Variants in KIF26B observed in about 807,000 individuals in gnomAD.
The protein encoded by KIF26B is kinesin family member 26B.
KIF26B carries 63 observed loss-of-function variants against 151.2 expected under a neutral mutation model. That is an observed-to-expected ratio of 0.42 (90% CI 0.34 to 0.51). KIF26B has a LOEUF of 0.51. Ranked by LOEUF, KIF26B falls within the 20% of genes least tolerant of loss-of-function variation. The probability of loss-of-function intolerance (pLI) is 0.07; values close to 1 mark genes in which losing one functional copy is unlikely to be tolerated. For missense variants in KIF26B, 2,813 were observed against 2,913.6 expected (o/e 0.97, Z 0.79); for synonymous variants, 1,357 against 1,262.1 (o/e 1.08, Z -1.59).
chr1:245,698,045 A>G lies in KIF26B; in HGVS notation c.5825-61A>G. The G allele has an allele frequency of 1.3e-6, 2 of 1,507,054 alleles. No individual in the cohort carries two copies. Among genetic ancestry groups the G allele is most frequent in the Non-Finnish European group, 1.8e-6 (2 of 1,113,364 alleles). The allele number at this position is 1,507,054 out of a possible 1,614,324, so 93.4% of individuals were successfully genotyped here. A position where few individuals can be genotyped will look rare whatever the true frequency, so the allele number is the denominator to read the frequency against. On this transcript the variant is annotated intron_variant, in intron 12 of 14. Transcript: ENST00000407071. This position sits in a 1 kb window ranked among gnomAD's most constrained non-coding sequence, Gnocchi z 4.0. ...CAACAGAGCAAGACCCTGTCTCAAA[A>G]AAACAACAAAAAAATTGAAATTCAG...
intron 10 of KIF26B, among the ~76,000 whole-genome samples, chr1:245,651,774 G>A (rs776073832): frequency 2.6e-5 from 4 of 152,178 alleles, no homozygotes; most frequent in African/African-American, 7.2e-5. Context: ...TAGCCTGTGC[G>A]CTCCTTATGA....
chr1:245,598,299 C>T lies in KIF26B; in HGVS notation c.1351-4278C>T, dbSNP rs895882317. Reference sequence around the variant, plus strand: ...TGAAACAAAGCTCATGCATGAGAAGCGCTGATGGAGTTCTCCCTTGCTCCT... The same window carrying T: ...TGAAACAAAGCTCATGCATGAGAAGTGCTGATGGAGTTCTCCCTTGCTCCT... On this transcript the variant is annotated intron_variant, in intron 5 of 14. Transcript: ENST00000407071. 4.6e-5 allele frequency among the ~76,000 whole-genome samples: 7 copies of T among 152,122 alleles called. No homozygotes were observed. In the East Asian group the frequency reaches 5.8e-4, roughly 13 times the overall value.
At position 245,549,696 on chromosome 1, in the gene KIF26B, C is replaced by T. The variant is rs541887157; in HGVS notation, c.1350+8746C>T. On this transcript the variant is annotated intron_variant, in intron 5 of 14. Transcript: ENST00000407071. Reference sequence around the variant, plus strand: ...TGCTGTTCTTGCCTACTGAATTGTTCGTATCAAATAGAAAATATTTGAATC... The same window carrying T: ...TGCTGTTCTTGCCTACTGAATTGTTTGTATCAAATAGAAAATATTTGAATC... Among the ~76,000 whole-genome samples, 65 of 152,190 alleles carry T rather than the reference C, an allele frequency of 4.3e-4. 1 individual carries two copies. The highest frequency in any genetic ancestry group is 1.5e-3 in the South Asian group (7 of 4,816).
chr1:245,479,840 G>A (rs1423737773), intron 4 of KIF26B, among the ~76,000 whole-genome samples: 1 of 151,848 alleles, frequency 6.6e-6, no homozygotes, highest in Non-Finnish European at 1.5e-5. Context: ...AGGGGAGAGA[G>A]TAGAAAGGAT....
rs1344907730 is a variant in KIF26B at position 245,572,421 on chromosome 1, G to C, written c.1351-30156G>C. 6.6e-6 allele frequency among the ~76,000 whole-genome samples: 1 copy of C among 152,064 alleles called. No homozygotes were observed. Among genetic ancestry groups the C allele is most frequent in the Non-Finnish European group, 1.5e-5 (1 of 68,020 alleles). On this transcript the variant is annotated intron_variant, in intron 5 of 14. Transcript: ENST00000407071. The surrounding 1 kb of genome is among the most constrained non-coding windows in gnomAD (Gnocchi z 4.2). The stretch of plus-strand genomic sequence containing the variant: ...AGTAGGGTGGCTGGTTTGAGGGTGT[G>C]GCCCCGGGAAAGGTGGCAGGACACA...
intron 5 of KIF26B, among the ~76,000 whole-genome samples, chr1:245,598,071 G>C (rs1490436788): frequency 6.6e-6 from 1 of 152,020 alleles, no homozygotes; most frequent in Non-Finnish European, 1.5e-5. Context: ...TATTGGGTTA[G>C]AGCATGCTCC....
chr1:245,547,161 C>T (rs2103106623), intron 5 of KIF26B, among the ~76,000 whole-genome samples: 1 of 152,370 alleles, frequency 6.6e-6, no homozygotes, highest in East Asian at 1.9e-4. Flanking sequence ...ACCTCAGACA[C>T]AGGGGCTTTC....
intron 2 of KIF26B, among the ~76,000 whole-genome samples, chr1:245,179,516 C>T (rs536301463): frequency 2.6e-5 from 4 of 151,892 alleles, no homozygotes; most frequent in South Asian, 2.1e-4. Context: ...CCCAGCTACT[C>T]GGGAGGCTGA....
chr1:245,590,184 C>T (rs1225632404), intron 5 of KIF26B, among the ~76,000 whole-genome samples: 1 of 151,016 alleles, frequency 6.6e-6, no homozygotes. Flanking sequence ...GCCGAGGCGC[C>T]GGTGGAAGCA....
rs140757408 is a variant in KIF26B at position 245,338,274 on chromosome 1, G to T, written c.466-28560G>T. ...TGTACACCAGGAGGCAGAAAACTGT[G>T]GTCAGCAGACCAAAGCCAGCCTGCT... On this transcript the variant is annotated intron_variant, in intron 2 of 14. Coordinates refer to ENST00000407071, the MANE Select transcript of KIF26B (RefSeq NM_018012.4). 4.6e-4 allele frequency among the ~76,000 whole-genome samples: 70 copies of T among 152,256 alleles called. 1 individual carries two copies. The Middle Eastern group carries it at 0.017, about 37-fold the overall frequency.
intron 2 of KIF26B, among the ~76,000 whole-genome samples, chr1:245,253,800 C>CTTTTTTTTTTTTTTTTT (rs5782330): frequency 1.4e-5 from 1 of 72,148 alleles, no homozygotes; most frequent in African/African-American, 6.1e-5. Context: ...TGAAGTCCTG[C>CTTTTTTTTTTTTTTTTT]TTTTTTTTTT....
At chr1:245,190,089 T>C (rs536478286) in intron 2 of KIF26B, among the ~76,000 whole-genome samples, 341 of 121,476 alleles carry the variant, frequency 2.8e-3, no homozygotes, top group African/African-American at 9.8e-3. Flanking sequence ...AATTAACCTA[T>C]GAAACCATCA....
At chr1:245,351,679 A>G (rs1399347619) in intron 2 of KIF26B, among the ~76,000 whole-genome samples, 1 of 152,214 alleles carries the variant, frequency 6.6e-6, no homozygotes, top group East Asian at 1.9e-4. Flanking sequence ...CAAGGCTGTG[A>G]CACTAGAAAA....
intron 4 of KIF26B, among the ~76,000 whole-genome samples, chr1:245,503,016 C>T (rs1402440579): frequency 6.6e-6 from 1 of 152,008 alleles, no homozygotes; most frequent in African/African-American, 2.4e-5. Context: ...CATGCGCCAC[C>T]ACCCCGGCTA....
At chr1:245,618,166 G>C (rs1049842136) in intron 9 of KIF26B, among the ~76,000 whole-genome samples, 3 of 152,242 alleles carry the variant, frequency 2.0e-5, no homozygotes, top group African/African-American at 7.2e-5. Flanking sequence ...AAAGACGTCA[G>C]ATTCCCCTCT....
At chr1:245,252,373 G>A (rs1037642912) in intron 2 of KIF26B, among the ~76,000 whole-genome samples, 11 of 151,308 alleles carry the variant, frequency 7.3e-5, no homozygotes, top group East Asian at 1.9e-4. Context: ...ATTACCTTTC[G>A]GTAAATGTTT....
At chr1:245,613,670 C>T (rs903727987) in intron 9 of KIF26B, among the ~76,000 whole-genome samples, 8 of 152,310 alleles carry the variant, frequency 5.3e-5, no homozygotes, top group South Asian at 2.1e-4. Flanking sequence ...TAAGCCTCCT[C>T]GTGGCTCAAA....
chr1:245,375,857 C>A lies in KIF26B; in HGVS notation c.999+8490C>A, dbSNP rs533710580. Among the ~76,000 whole-genome samples the A allele has an allele frequency of 6.6e-6, 1 of 152,084 alleles. No individual in the cohort carries two copies. Among genetic ancestry groups the A allele is most frequent in the Non-Finnish European group, 1.5e-5 (1 of 68,026 alleles). On this transcript the variant is annotated intron_variant, in intron 3 of 14. Transcript: ENST00000407071. This position sits in a 1 kb window ranked among gnomAD's most constrained non-coding sequence, Gnocchi z 4.2. ...TCACACAACAAACCCCGTTACCCTGCGGATCGGCCGGTCCATGCACAAGTC... is the reference window on the plus strand; with the variant it reads ...TCACACAACAAACCCCGTTACCCTGAGGATCGGCCGGTCCATGCACAAGTC...
intron 2 of KIF26B, among the ~76,000 whole-genome samples, chr1:245,295,409 G>A (rs1286862240): frequency 6.6e-6 from 1 of 152,194 alleles, no homozygotes; most frequent in Non-Finnish European, 1.5e-5. Context: ...AGTGGCAGAT[G>A]GCTAAGGTCG....
Sources: gnomAD v4.1 joint callset for allele counts (sites outside exome capture counted in the v4.1 genomes callset) on GRCh38, gnomAD v4.1.1 for gene constraint, Gnocchi (gnomAD v3.1) non-coding constraint, MANE v1.5 for transcripts, NCBI Gene and HGNC (gene_info 2026-07-23, HGNC 2026-07-21) for gene names.